Variants in KALRN observed in about 807,000 individuals in gnomAD.
KALRN encodes kalirin.
A neutral mutation model predicts 353.7 loss-of-function variants in KALRN; 70 were observed. The observed-to-expected ratio is 0.20, with a 90% CI of 0.16 to 0.24. The LOEUF (loss-of-function observed/expected upper bound fraction) is 0.24. KALRN is among the 10% of genes least tolerant of loss of function. The pLI, the probability that KALRN is intolerant of heterozygous loss-of-function variation, is 1.00. For synonymous variants in KALRN, 1,391 were observed against 1,434.8 expected, an observed-to-expected ratio of 0.97 and a Z score of 0.69; for missense variants, 2,791 against 3,756.7, an observed-to-expected ratio of 0.74 and a Z score of 6.72.
At chr3:124,055,013 GAAGA>G (rs1245087765) in intron 1 of KALRN, among the ~76,000 whole-genome samples, 2 of 152,074 alleles carry the variant, frequency 1.3e-5, no homozygotes, top group African/African-American at 2.4e-5. Context: ...TGAACTTTAA[GAAGA>G]AAGTGGGTGA....
intron 11 of KALRN, among the ~76,000 whole-genome samples, chr3:124,389,645 A>G (rs2089014219): frequency 2.0e-5 from 3 of 152,238 alleles, no homozygotes; most frequent in Admixed American, 6.5e-5. Context: ...AAAATATTAC[A>G]CAGTCATTCT....
At chr3:124,639,919 T>C (rs1392499795) in intron 37 of KALRN, among the ~76,000 whole-genome samples, 1 of 152,210 alleles carries the variant, frequency 6.6e-6, no homozygotes, top group African/African-American at 2.4e-5. Context: ...AAAATTTGAT[T>C]CTTGGTCCTT....
At chr3:124,226,167 T>G (rs1407861417) in intron 1 of KALRN, among the ~76,000 whole-genome samples, 1 of 152,216 alleles carries the variant, frequency 6.6e-6, no homozygotes, top group East Asian at 1.9e-4. Context: ...GCCTAATAGA[T>G]TGCCAAGGAA....
intron 3 of KALRN, among the ~76,000 whole-genome samples, chr3:124,249,375 G>A (rs531667727): frequency 6.6e-6 from 1 of 152,302 alleles, no homozygotes; most frequent in East Asian, 1.9e-4. Context: ...TAATTTACTG[G>A]TGGTAAAAAT....
chr3:124,535,931 G>A (rs766155732), intron 33 of KALRN, among the ~76,000 whole-genome samples: 41 of 152,128 alleles, frequency 2.7e-4, no homozygotes, highest in Non-Finnish European at 5.0e-4. Context: ...CTAGATGGAT[G>A]GTGTTCCAGG....
chr3:124,076,219 G>A (rs959277672), intron 1 of KALRN, among the ~76,000 whole-genome samples: 3 of 152,224 alleles, frequency 2.0e-5, no homozygotes, highest in African/African-American at 7.2e-5. Context: ...AGCAGGAGAT[G>A]CAGACCCAAG....
intron 1 of KALRN, among the ~76,000 whole-genome samples, chr3:124,146,874 C>CAAAA (rs34633708): frequency 0.2 from 9,931 of 49,784 alleles, 2,184 homozygotes; most frequent in East Asian, 0.5. Context: ...GACTCTGTCT[C>CAAAA]AAAAAAAAAA....
chr3:124,536,362 C>T (rs539094903), intron 33 of KALRN, among the ~76,000 whole-genome samples: 26 of 152,132 alleles, frequency 1.7e-4, no homozygotes, highest in South Asian at 6.2e-4. Context: ...CCACCACGTC[C>T]GGCTAATTTT....
chr3:124,536,993 T>C (rs993230762), intron 33 of KALRN, among the ~76,000 whole-genome samples: 2 of 152,204 alleles, frequency 1.3e-5, no homozygotes, highest in African/African-American at 4.8e-5. Context: ...TACAGCACTT[T>C]CCATGTACTT....
chr3:124,350,640 G>C (rs2082740203), intron 10 of KALRN, among the ~76,000 whole-genome samples: 1 of 152,176 alleles, frequency 6.6e-6, no homozygotes, highest in Admixed American at 6.5e-5. Context: ...GAGGGTGGGG[G>C]ATGTTGCCAC....
At chr3:124,233,342 A>G (rs963577897) in intron 2 of KALRN, among the ~76,000 whole-genome samples, 1 of 152,158 alleles carries the variant, frequency 6.6e-6, no homozygotes, top group African/African-American at 2.4e-5. Context: ...CCTTTTCCTC[A>G]TGTGGAAGGC....
At chr3:124,123,635 GA>G (rs2064295830) in intron 1 of KALRN, among the ~76,000 whole-genome samples, 1 of 152,238 alleles carries the variant, frequency 6.6e-6, no homozygotes, top group Non-Finnish European at 1.5e-5. Flanking sequence ...CCAAACAACA[GA>G]TTTTCAATGT....
Position 124,548,050 on chromosome 3 carries a change from G to A in KALRN, c.4936-14793G>A, listed in dbSNP as rs189429078. ...AGCACTGCCACAAGGAACTCTCAGC[G>A]AGTGTGGTTGGTATTCCCAAGGGCC... On this transcript the variant is annotated intron_variant, in intron 33 of 59. Transcript: ENST00000682506. 2.4e-3 allele frequency among the ~76,000 whole-genome samples: 370 copies of A among 152,296 alleles called. 2 individuals are homozygous for A. Among genetic ancestry groups the A allele is most frequent in the African/African-American group, 7.9e-3 (330 of 41,562 alleles).
At chr3:124,286,082 C>CTTTGTTTCTTTCTTT (rs1553893894) in intron 5 of KALRN, among the ~76,000 whole-genome samples, 1 of 102,156 alleles carries the variant, frequency 9.8e-6, no homozygotes, top group Non-Finnish European at 1.9e-5. Context: ...TTCTTTCCTT[C>CTTTGTTTCTTTCTTT]CTTTCTTTCT....
chr3:124,596,578 A>G (rs1401867195), intron 34 of KALRN, among the ~76,000 whole-genome samples: 3 of 152,238 alleles, frequency 2.0e-5, no homozygotes, highest in Non-Finnish European at 4.4e-5. Flanking sequence ...AGTCTTTGAA[A>G]TCTGGTGTGT....
chr3:124,605,508 G>A (rs2077240185), intron 34 of KALRN, among the ~76,000 whole-genome samples: 1 of 150,972 alleles, frequency 6.6e-6, no homozygotes, highest in Admixed American at 6.6e-5. Context: ...AGCAGGCGGA[G>A]GTTGCAGTGA....
chr3:124,658,565 C>A, intron 42 of KALRN, 48 bp downstream of exon 42: 1 of 1,378,158 alleles, frequency 7.3e-7, no homozygotes, highest in Non-Finnish European at 1.0e-6. Flanking sequence ...AAAACTCAGG[C>A]CAAAACAGCC....
intron 1 of KALRN, among the ~76,000 whole-genome samples, chr3:124,114,678 T>C (rs1302859705): frequency 2.6e-5 from 4 of 152,162 alleles, no homozygotes; most frequent in Non-Finnish European, 5.9e-5. Flanking sequence ...CAGGTACGGC[T>C]GACAATGCTT....
intron 28 of KALRN, among the ~76,000 whole-genome samples, chr3:124,485,288 C>T (rs761579503): frequency 6.6e-6 from 1 of 152,204 alleles, no homozygotes; most frequent in Non-Finnish European, 1.5e-5. Flanking sequence ...ACTATCCACA[C>T]TGCCAGTGTC....
Sources: allele counts gnomAD v4.1 joint callset (sites outside exome capture counted in the v4.1 genomes callset), GRCh38; gene constraint gnomAD v4.1.1; transcripts MANE v1.5; gene names NCBI Gene and HGNC (gene_info 2026-07-23, HGNC 2026-07-21).